Variants in GPC5 observed in about 807,000 individuals in gnomAD.
GPC5 encodes glypican-5.
Under a neutral mutation model 53.9 loss-of-function variants are expected in GPC5, and 47 were observed. That is an observed-to-expected ratio of 0.87 (90% confidence interval 0.69 to 1.11). The LOEUF (loss-of-function observed/expected upper bound fraction) is 1.11, where lower values mean the gene tolerates loss of function less well. Among genes scored for constraint, GPC5 ranks in the 50% most tolerant of loss-of-function variants. GPC5 has a pLI of 0.00. For missense variants in GPC5, 748 were observed against 713.1 expected (o/e 1.05, Z -0.56); for synonymous variants, 286 against 263.3 (o/e 1.09, Z -0.84).
chr13:91,467,756 A>G (rs7319666), intron 2 of GPC5, among the ~76,000 whole-genome samples: 2,672 of 152,288 alleles, frequency 0.018, 79 homozygotes, highest in African/African-American at 0.06. Flanking sequence ...TTAATTTTTG[A>G]CCTTTTAAGT....
chr13:92,811,366 T>C (rs1877293434), intron 7 of GPC5, among the ~76,000 whole-genome samples: 1 of 151,996 alleles, frequency 6.6e-6, no homozygotes, highest in South Asian at 2.1e-4. Flanking sequence ...TTATTTGGTT[T>C]CCCTAATGAA....
chr13:92,314,292 T>C (rs1363872449), intron 7 of GPC5, among the ~76,000 whole-genome samples: 1 of 152,178 alleles, frequency 6.6e-6, no homozygotes, highest in Admixed American at 6.5e-5. Flanking sequence ...TCTCAAAATA[T>C]CTTCAAGTTA....
At chr13:91,474,569 CA>C (rs1566431216) in intron 2 of GPC5, among the ~76,000 whole-genome samples, 1 of 151,994 alleles carries the variant, frequency 6.6e-6, no homozygotes, top group East Asian at 1.9e-4. Flanking sequence ...CAATGAAAAT[CA>C]CATGAGCAAA....
chr13:91,730,350 G>A (rs1488791940), intron 4 of GPC5, among the ~76,000 whole-genome samples: 1 of 152,194 alleles, frequency 6.6e-6, no homozygotes, highest in Non-Finnish European at 1.5e-5. Context: ...TGTAGCACGA[G>A]TGGATGCTGA....
chr13:92,285,022 C>T (rs752652081), intron 7 of GPC5, among the ~76,000 whole-genome samples: 24 of 152,166 alleles, frequency 1.6e-4, no homozygotes, highest in Non-Finnish European at 2.8e-4. Context: ...TCTCTTTACA[C>T]TGATAAGCAA....
intron 5 of GPC5, among the ~76,000 whole-genome samples, chr13:91,806,935 AC>A (rs1167630239): frequency 6.6e-6 from 1 of 152,184 alleles, no homozygotes; most frequent in African/African-American, 2.4e-5. Context: ...TATTTTTGGA[AC>A]CATTTTATGG....
chr13:91,995,627 A>G (rs1024764311), intron 6 of GPC5: 2 of 152,206 alleles, frequency 1.3e-5, no homozygotes, highest in African/African-American at 2.4e-5. Flanking sequence ...AATATAGTAA[A>G]CATTCAAAAC....
chr13:92,015,370 C>T (rs2040697678), intron 6 of GPC5, among the ~76,000 whole-genome samples: 1 of 152,110 alleles, frequency 6.6e-6, no homozygotes, highest in Admixed American at 6.5e-5. Context: ...TTTATAGTTA[C>T]ACATTTTAGA....
At position 92,315,801 on chromosome 13, in the gene GPC5, A is replaced by G. The variant is rs149623516; in HGVS notation, c.1561+170812A>G. ...TTTCAAGTGTTTTATTTTTTGCTGT[A>G]CTTTAAACAAAGTAAAATCAGAATG... On this transcript the variant is annotated intron_variant, in intron 7 of 7. Transcript: ENST00000377067. Among the ~76,000 whole-genome samples, 1,176 of 152,316 alleles carry G rather than the reference A, an allele frequency of 7.7e-3. 11 individuals carry two copies. The highest frequency in any genetic ancestry group is 0.068 in the Middle Eastern group (20 of 294).
chr13:92,693,289 A>C (rs1887467137), intron 7 of GPC5, among the ~76,000 whole-genome samples: 1 of 152,196 alleles, frequency 6.6e-6, no homozygotes, highest in African/African-American at 2.4e-5. Context: ...TGTGGAGGCG[A>C]CATTGGAACT....
chr13:92,832,465 T>C (rs1452142367), intron 7 of GPC5, among the ~76,000 whole-genome samples: 1 of 152,254 alleles, frequency 6.6e-6, no homozygotes, highest in African/African-American at 2.4e-5. Flanking sequence ...GTATTTCTAA[T>C]ATTTTTTAAA....
At chr13:92,381,931 A>G (rs2043750296) in intron 7 of GPC5, among the ~76,000 whole-genome samples, 1 of 128,654 alleles carries the variant, frequency 7.8e-6, no homozygotes, top group African/African-American at 2.8e-5. Context: ...CATATATATG[A>G]TTATATATGA....
At chr13:92,681,222 G>T (rs979902761) in intron 7 of GPC5, among the ~76,000 whole-genome samples, 21 of 151,886 alleles carry the variant, frequency 1.4e-4, no homozygotes, top group Non-Finnish European at 2.4e-4. Context: ...AAAATTAATT[G>T]TATTGAGGAT....
chr13:92,199,693 C>A (rs894022446), intron 7 of GPC5, among the ~76,000 whole-genome samples: 1 of 152,160 alleles, frequency 6.6e-6, no homozygotes, highest in African/African-American at 2.4e-5. Context: ...AGAATTGGAT[C>A]TATCCTGGGA....
chr13:91,436,149 A>G, intron 1 of GPC5, among the ~76,000 whole-genome samples: 1 of 152,104 alleles, frequency 6.6e-6, no homozygotes, highest in Non-Finnish European at 1.5e-5. Context: ...TCCTGGATTC[A>G]TTGATTTTTT....
intron 2 of GPC5, among the ~76,000 whole-genome samples, chr13:91,459,700 G>A (rs890550309): frequency 1.3e-5 from 2 of 152,096 alleles, no homozygotes; most frequent in Non-Finnish European, 2.9e-5. Context: ...GAGACATCCA[G>A]TGGAGGCTAA....
intron 7 of GPC5, among the ~76,000 whole-genome samples, chr13:92,280,316 G>T (rs967308336): frequency 6.6e-6 from 1 of 152,056 alleles, no homozygotes; most frequent in East Asian, 1.9e-4. Flanking sequence ...CTTTGGTTTT[G>T]TATGTAGCCT....
intron 2 of GPC5, among the ~76,000 whole-genome samples, chr13:91,535,082 C>T (rs1886527884): frequency 6.6e-6 from 1 of 152,124 alleles, no homozygotes; most frequent in Admixed American, 6.5e-5. Context: ...AGCTCTACGC[C>T]TTTGCTCTCT....
chr13:91,745,247 G>A (rs1460347558), intron 4 of GPC5, among the ~76,000 whole-genome samples: 1 of 152,064 alleles, frequency 6.6e-6, no homozygotes, highest in Non-Finnish European at 1.5e-5. Flanking sequence ...CTTTCAGAAA[G>A]GGTGTTTTTT....
Sources: allele counts gnomAD v4.1 joint callset (sites outside exome capture counted in the v4.1 genomes callset), GRCh38; gene constraint gnomAD v4.1.1; transcripts MANE v1.5; gene names NCBI Gene and HGNC (gene_info 2026-07-23, HGNC 2026-07-21).